SCMH1: variants seen among roughly 807,000 people sequenced by gnomAD.
The protein encoded by SCMH1 is Scm polycomb group protein homolog 1, also known as polycomb protein SCMH1.
In SCMH1, 37 loss-of-function variants were observed where a neutral mutation model predicts 70.8. That is an observed-to-expected ratio of 0.52 (90% CI 0.40 to 0.69). The LOEUF is 0.69. Ranked by LOEUF, SCMH1 falls within the 30% of genes least tolerant of loss-of-function variation. The pLI is 0.00. For missense variants in SCMH1, 607 were observed against 827.3 expected, an observed-to-expected ratio of 0.73 and a Z score of 3.27; for synonymous variants, 292 against 307.4, an observed-to-expected ratio of 0.95 and a Z score of 0.52.
chr1:41,171,580 G>A (rs924842921), intron 2 of SCMH1, among the ~76,000 whole-genome samples: 3 of 151,126 alleles, frequency 2.0e-5, no homozygotes, highest in Non-Finnish European at 4.4e-5. Context: ...TACTTTTACT[G>A]TCATCCAACA....
At chr1:41,065,003 A>G (rs1654083249) in intron 10 of SCMH1, among the ~76,000 whole-genome samples, 1 of 152,228 alleles carries the variant, frequency 6.6e-6, no homozygotes, top group African/African-American at 2.4e-5. Context: ...CAAAATATAT[A>G]TAACATTTAT....
intron 13 of SCMH1, among the ~76,000 whole-genome samples, chr1:41,033,380 T>C (rs1275703975): frequency 6.6e-6 from 1 of 151,994 alleles, no homozygotes; most frequent in Non-Finnish European, 1.5e-5. Context: ...TGACCTGATA[T>C]ATCAACAATA....
At chr1:41,132,601 T>C (rs549932418) in intron 6 of SCMH1, among the ~76,000 whole-genome samples, 3 of 152,346 alleles carry the variant, frequency 2.0e-5, no homozygotes, top group South Asian at 2.1e-4. Flanking sequence ...TTTGGTGTTT[T>C]ACTCATGAAG....
intron 6 of SCMH1, among the ~76,000 whole-genome samples, chr1:41,134,211 A>T (rs1031111101): frequency 6.6e-6 from 1 of 152,236 alleles, no homozygotes; most frequent in African/African-American, 2.4e-5. Flanking sequence ...GATGCAGAAA[A>T]GGCCTTTGAC....
chr1:41,053,453 T>A (rs1649000232), intron 10 of SCMH1, among the ~76,000 whole-genome samples: 1 of 152,106 alleles, frequency 6.6e-6, no homozygotes, highest in East Asian at 1.9e-4. Context: ...CTACCATGTG[T>A]GAGGAAGCAA....
intron 10 of SCMH1, among the ~76,000 whole-genome samples, chr1:41,049,500 G>A (rs1647242333): frequency 6.6e-6 from 1 of 151,916 alleles, no homozygotes; most frequent in African/African-American, 2.4e-5. Flanking sequence ...GGCTGGGCGT[G>A]GTGGCTCACG....
chr1:41,217,688 T>G (rs1372840291), intron 1 of SCMH1, among the ~76,000 whole-genome samples: 2 of 152,148 alleles, frequency 1.3e-5, no homozygotes, highest in African/African-American at 4.8e-5. Flanking sequence ...ATAACTGAAA[T>G]GGACAGAGAT....
chr1:41,065,039 G>T (rs979822714), intron 10 of SCMH1, among the ~76,000 whole-genome samples: 1 of 152,158 alleles, frequency 6.6e-6, no homozygotes, highest in African/African-American at 2.4e-5. Flanking sequence ...AAAGTTTTTT[G>T]AAAGAAACGT....
chr1:41,104,858 G>A (rs940067077), intron 8 of SCMH1, among the ~76,000 whole-genome samples: 5 of 152,170 alleles, frequency 3.3e-5, no homozygotes, highest in African/African-American at 1.2e-4. Context: ...TAACTGAGAG[G>A]TGAGTGAATA....
chr1:41,078,925 C>T (rs1410803604), intron 8 of SCMH1, among the ~76,000 whole-genome samples: 2 of 152,034 alleles, frequency 1.3e-5, no homozygotes, highest in Admixed American at 6.6e-5. Context: ...TGGCTTGTGC[C>T]GTTTATAATA....
At chr1:41,034,803 C>G (rs1169886895) in intron 13 of SCMH1, among the ~76,000 whole-genome samples, 1 of 152,188 alleles carries the variant, frequency 6.6e-6, no homozygotes, top group Non-Finnish European at 1.5e-5. Flanking sequence ...TCTTCAGAGG[C>G]CAAACATGTA....
chr1:41,050,197 G>C (rs111706502), intron 10 of SCMH1, among the ~76,000 whole-genome samples: 1,817 of 152,302 alleles, frequency 0.012, 29 homozygotes, highest in African/African-American at 0.041. Flanking sequence ...TGTCTCTGGA[G>C]TTGTTCTCTC....
intron 8 of SCMH1, among the ~76,000 whole-genome samples, chr1:41,080,491 A>G (rs1468599937): frequency 2.6e-5 from 4 of 152,164 alleles, no homozygotes; most frequent in African/African-American, 4.8e-5. Context: ...AAGTATTTGT[A>G]AATTAAATCT....
At chr1:41,156,435 CTTTAT>C (rs1645552885) in intron 4 of SCMH1, among the ~76,000 whole-genome samples, 2 of 152,132 alleles carry the variant, frequency 1.3e-5, no homozygotes, top group Non-Finnish European at 2.9e-5. Context: ...ATTTAAGTGT[CTTTAT>C]TTTATTTTTT....
chr1:41,045,382 C>T (rs1323035057), intron 12 of SCMH1, among the ~76,000 whole-genome samples: 1 of 152,056 alleles, frequency 6.6e-6, no homozygotes, highest in African/African-American at 2.4e-5. Context: ...GTCACATAAG[C>T]AATACGGATT....
At chr1:41,201,591 C>T (rs1654365390) in intron 1 of SCMH1, among the ~76,000 whole-genome samples, 1 of 152,114 alleles carries the variant, frequency 6.6e-6, no homozygotes, top group Non-Finnish European at 1.5e-5. Flanking sequence ...CAAGCAATTG[C>T]CTTGACACTC....
chr1:41,155,452 T>C (rs1452700575), intron 4 of SCMH1, among the ~76,000 whole-genome samples: 1 of 148,426 alleles, frequency 6.7e-6, no homozygotes, highest in Non-Finnish European at 1.5e-5. Context: ...TTGCTCCACA[T>C]GGAGCAAAAA....
At chr1:41,147,924 T>C (rs1468224495) in intron 5 of SCMH1, among the ~76,000 whole-genome samples, 1 of 152,174 alleles carries the variant, frequency 6.6e-6, no homozygotes, top group Non-Finnish European at 1.5e-5. Flanking sequence ...CAGAAAAAAG[T>C]GTAAGTTTTT....
intron 10 of SCMH1, among the ~76,000 whole-genome samples, chr1:41,069,081 GA>G (rs1413666721): frequency 6.6e-6 from 1 of 152,078 alleles, no homozygotes; most frequent in Non-Finnish European, 1.5e-5. Context: ...ACAAAACAAG[GA>G]AATCAACAAG....
Sources: allele counts gnomAD v4.1 joint callset (sites outside exome capture counted in the v4.1 genomes callset), GRCh38; gene constraint gnomAD v4.1.1; transcripts MANE v1.5; gene names NCBI Gene and HGNC (gene_info 2026-07-23, HGNC 2026-07-21).